Variants in MARCHF8 observed in about 807,000 individuals in gnomAD.
MARCHF8 encodes E3 ubiquitin-protein ligase MARCHF8.
In MARCHF8, 40 loss-of-function variants were observed where a neutral mutation model predicts 51.6. That is an observed-to-expected ratio of 0.77 (90% CI 0.60 to 1.01). MARCHF8 has a LOEUF of 1.01. Among genes scored for constraint, MARCHF8 ranks in the 50% least tolerant of loss-of-function variants. The probability of loss-of-function intolerance (pLI) is 0.00; values close to 1 mark genes in which losing one functional copy is unlikely to be tolerated. For missense variants in MARCHF8, 685 were observed against 708.6 expected (o/e 0.97, Z 0.38); for synonymous variants, 263 against 280.3 (o/e 0.94, Z 0.62).
chr10:45,459,603 G>A, intron 6 of MARCHF8: 1 of 557,042 alleles, frequency 1.8e-6, no homozygotes. Flanking sequence ...GTTGGCCCAG[G>A]ACCCAGGTAC....
chr10:45,592,472 A>G (rs934054329), intron 1 of MARCHF8, among the ~76,000 whole-genome samples: 12 of 151,872 alleles, frequency 7.9e-5, no homozygotes, highest in Admixed American at 6.6e-4. Context: ...TACGGGGGGG[A>G]AAAAGCACAT....
chr10:45,547,040 T>C (rs886978122), intron 1 of MARCHF8, among the ~76,000 whole-genome samples: 6 of 151,498 alleles, frequency 4.0e-5, no homozygotes, highest in African/African-American at 7.3e-5. Flanking sequence ...CTGGGCAACA[T>C]AGAAAGACCT....
At chr10:45,524,467 A>T (rs1398620844) in intron 2 of MARCHF8, among the ~76,000 whole-genome samples, 3 of 152,228 alleles carry the variant, frequency 2.0e-5, no homozygotes, top group Non-Finnish European at 4.4e-5. Context: ...TGAGAAAATT[A>T]ATCTCTTGTG....
chr10:45,571,090 T>C (rs954117689), intron 1 of MARCHF8, among the ~76,000 whole-genome samples: 1 of 152,168 alleles, frequency 6.6e-6, no homozygotes, highest in Non-Finnish European at 1.5e-5. Flanking sequence ...TATAAAAGTA[T>C]ATGAAATATG....
At chr10:45,460,534 G>A (rs1312829151) in intron 6 of MARCHF8, among the ~76,000 whole-genome samples, 3 of 152,224 alleles carry the variant, frequency 2.0e-5, no homozygotes, top group South Asian at 2.1e-4. Flanking sequence ...ATATATTAAT[G>A]TTCTGAGATA....
At chr10:45,510,777 A>T (rs1439046598) in intron 2 of MARCHF8, among the ~76,000 whole-genome samples, 4 of 152,124 alleles carry the variant, frequency 2.6e-5, no homozygotes, top group Non-Finnish European at 5.9e-5. Flanking sequence ...ACAGCCACAC[A>T]TTTGTTCTAA....
At chr10:45,513,261 AAC>A (rs950994048) in intron 2 of MARCHF8, among the ~76,000 whole-genome samples, 2 of 152,134 alleles carry the variant, frequency 1.3e-5, no homozygotes, top group African/African-American at 4.8e-5. Context: ...AAGAAATTAT[AAC>A]ACTGTAACTG....
chr10:45,526,686 C>G (rs544925234), intron 2 of MARCHF8, among the ~76,000 whole-genome samples: 7 of 151,712 alleles, frequency 4.6e-5, no homozygotes, highest in African/African-American at 1.7e-4. Context: ...CAACACCCCA[C>G]TGACAGCACT....
chr10:45,544,520 G>A (rs1467003506), intron 1 of MARCHF8, among the ~76,000 whole-genome samples: 1 of 152,124 alleles, frequency 6.6e-6, no homozygotes, highest in Non-Finnish European at 1.5e-5. Flanking sequence ...TCTATACAAT[G>A]AAATTCTATT....
chr10:45,512,524 G>T (rs1306649461), intron 2 of MARCHF8, among the ~76,000 whole-genome samples: 1 of 148,954 alleles, frequency 6.7e-6, no homozygotes. Flanking sequence ...GAGGTGAGGG[G>T]CGCCTCTGCC....
chr10:45,542,648 T>TA (rs2044069390), intron 1 of MARCHF8, among the ~76,000 whole-genome samples: 1 of 152,184 alleles, frequency 6.6e-6, no homozygotes, highest in Admixed American at 6.5e-5. Flanking sequence ...AGTATGGGCT[T>TA]ACAATTCATT....
chr10:45,472,050 C>G (rs184911997), intron 3 of MARCHF8, among the ~76,000 whole-genome samples: 5 of 152,194 alleles, frequency 3.3e-5, no homozygotes, highest in African/African-American at 1.2e-4. Context: ...CCCTGAGCCG[C>G]GGAGTATACT....
chr10:45,458,462 T>C lies in MARCHF8; in HGVS notation c.1499A>G (p.Gln500Arg). 1 of 1,613,580 alleles carries C rather than the reference T, an allele frequency of 6.2e-7. No homozygotes were observed. Among genetic ancestry groups the C allele is most frequent in the Non-Finnish European group, 8.5e-7 (1 of 1,179,808 alleles). Reference protein sequence around the residue: ...FTGGLLFMYVQCKVYVQLWKR... With the variant: ...FTGGLLFMYVRCKVYVQLWKR... ...CCACAATTGCACATACACTTTACAC[T>C]GAACATACATAAAAAGAAGTCCTCC... Residue 500 changes from glutamine to arginine, a missense_variant, in exon 8 of 8, where the codon CAG (glutamine) becomes CGG (arginine). Physicochemically the swap from Gln to Arg is conservative, Grantham distance 43. Coordinates refer to ENST00000453424, the MANE Select transcript of MARCHF8 (RefSeq NM_001282866.2).
At position 45,463,727 on chromosome 10, in the gene MARCHF8, C is replaced by T; in HGVS notation, c.512G>A (p.Ser171Asn). 4 of 1,551,184 alleles carry T rather than the reference C, an allele frequency of 2.6e-6. No homozygotes were observed. In the South Asian group the frequency reaches 4.8e-5, roughly 18 times the overall value. ...ACAAGTTCTTTCCACATAGGCAAAA[C>T]TTTCTGAAGTATCCTGCGCCTTCTC... ...VGEKAQDTSE[S>N]FAYVERTCSE... The change falls in exon 5 of 8, where the codon AGT becomes AAT. Residue 171 changes from serine (S) to asparagine (N), a missense_variant. Transcript: ENST00000453424.
At chr10:45,588,423 A>G (rs2044641595) in intron 1 of MARCHF8, among the ~76,000 whole-genome samples, 1 of 152,194 alleles carries the variant, frequency 6.6e-6, no homozygotes, top group South Asian at 2.1e-4. Context: ...ATAAATAAAT[A>G]AATCTCCCAA....
chr10:45,485,341 G>A (rs1357430310), intron 3 of MARCHF8, among the ~76,000 whole-genome samples: 1 of 152,194 alleles, frequency 6.6e-6, no homozygotes, highest in Non-Finnish European at 1.5e-5. Flanking sequence ...AATTGGAGGT[G>A]ACAAATTTCA....
chr10:45,527,610 T>G (rs2043813872), intron 2 of MARCHF8, among the ~76,000 whole-genome samples: 1 of 151,242 alleles, frequency 6.6e-6, no homozygotes, highest in Admixed American at 6.6e-5. Flanking sequence ...TAACCAGTAA[T>G]AAAAATAAAA....
At position 45,489,424 on chromosome 10, in the gene MARCHF8, G is replaced by GA. The variant is rs772322308; in HGVS notation, c.103-8dup. ...GTCCCAAAGTCTTCTCATTCTGCAA[G>GA]AAAATCAAACAGGTTTTAATTATCA... is the stretch of plus-strand genomic sequence containing the variant. On this transcript the variant is annotated splice_polypyrimidine_tract_variant and splice_region_variant and intron_variant, in intron 2 of 7. Transcript: ENST00000453424. 6.2e-6 allele frequency: 10 copies of GA among 1,610,274 alleles called. No individual in the cohort carries two copies. The Admixed American group carries it at 1.5e-4, about 24-fold the overall frequency.
chr10:45,584,006 C>CAAAAAAA (rs67624741), intron 1 of MARCHF8, among the ~76,000 whole-genome samples: 11 of 53,056 alleles, frequency 2.1e-4, no homozygotes, highest in Non-Finnish European at 4.0e-4. Flanking sequence ...ACTTCATTTC[C>CAAAAAAA]AAAAAAAAAA....
Sources: gnomAD v4.1 joint callset for allele counts (sites outside exome capture counted in the v4.1 genomes callset) on GRCh38, gnomAD v4.1.1 for gene constraint, MANE v1.5 for transcripts, NCBI Gene and HGNC (gene_info 2026-07-23, HGNC 2026-07-21) for gene names.